B3GALT1: variants seen among roughly 807,000 people sequenced by gnomAD.
B3GALT1 encodes the protein UDP-Gal:betaGlcNAc beta 1,3-galactosyltransferase, polypeptide 1.
Under a neutral mutation model 23.2 loss-of-function variants are expected in B3GALT1, and 10 were observed. The observed-to-expected ratio is 0.43, with a 90% CI of 0.27 to 0.73. The LOEUF is 0.73. Ranked by LOEUF, B3GALT1 falls within the 30% of genes least tolerant of loss-of-function variation. The pLI is 0.21. For missense variants in B3GALT1, 299 were observed against 405.4 expected (o/e 0.74, Z 2.25); for synonymous variants, 156 against 141.5 (o/e 1.10, Z -0.73).
chr2:167,805,506 A>G (rs1688732864), intron 3 of B3GALT1, among the ~76,000 whole-genome samples: 1 of 152,134 alleles, frequency 6.6e-6, no homozygotes, highest in Admixed American at 6.5e-5. Context: ...ATTTTTGTAT[A>G]AGGTGTAAGG....
chr2:167,625,423 T>G (rs1326215985), intron 2 of B3GALT1, among the ~76,000 whole-genome samples: 6 of 151,834 alleles, frequency 4.0e-5, no homozygotes, highest in Non-Finnish European at 8.8e-5. Context: ...AAAATTTTCT[T>G]GACCAAGCAG....
At chr2:167,405,048 G>A (rs545148028) in intron 1 of B3GALT1, among the ~76,000 whole-genome samples, 46 of 152,018 alleles carry the variant, frequency 3.0e-4, no homozygotes, top group Non-Finnish European at 4.9e-4. Flanking sequence ...ATTTGTTTTC[G>A]CTTCTCAGAC....
At chr2:167,320,247 T>G (rs1696789157) in intron 1 of B3GALT1, among the ~76,000 whole-genome samples, 1 of 151,152 alleles carries the variant, frequency 6.6e-6, no homozygotes, top group Admixed American at 6.6e-5. Flanking sequence ...TAGAATGCAG[T>G]GACATGATCT....
intron 2 of B3GALT1, among the ~76,000 whole-genome samples, chr2:167,575,329 T>C (rs1399192092): frequency 1.3e-5 from 2 of 151,806 alleles, no homozygotes; most frequent in East Asian, 1.9e-4. Context: ...CCTGGTGATA[T>C]CAGCCCATGA....
chr2:167,407,373 C>T (rs563236760), intron 1 of B3GALT1, among the ~76,000 whole-genome samples: 2 of 151,142 alleles, frequency 1.3e-5, no homozygotes, highest in African/African-American at 4.9e-5. Context: ...GCAATAAATG[C>T]CTATATCAAA....
intron 2 of B3GALT1, among the ~76,000 whole-genome samples, chr2:167,592,324 C>T (rs1456314218): frequency 1.3e-5 from 2 of 152,108 alleles, no homozygotes; most frequent in African/African-American, 2.4e-5. Flanking sequence ...CCTTGCTGCC[C>T]CTAATCTAAG....
At chr2:167,380,826 T>G (rs1697838206) in intron 1 of B3GALT1, among the ~76,000 whole-genome samples, 1 of 152,112 alleles carries the variant, frequency 6.6e-6, no homozygotes, top group Non-Finnish European at 1.5e-5. Flanking sequence ...CTTTACTCAC[T>G]TTTATTTTAC....
intron 1 of B3GALT1, among the ~76,000 whole-genome samples, chr2:167,469,434 AT>A (rs1699393786): frequency 2.6e-5 from 4 of 152,196 alleles, no homozygotes; most frequent in African/African-American, 9.6e-5. Context: ...GAAAAACAAA[AT>A]TTGGACTATG....
intron 3 of B3GALT1, among the ~76,000 whole-genome samples, chr2:167,678,015 C>T (rs750998772): frequency 1.8e-4 from 28 of 152,186 alleles, no homozygotes; most frequent in Non-Finnish European, 3.5e-4. Flanking sequence ...CCTCCCCCAA[C>T]ACGTGCGGAT....
chr2:167,627,142 A>G (rs1236375606), intron 2 of B3GALT1, among the ~76,000 whole-genome samples: 3 of 151,600 alleles, frequency 2.0e-5, no homozygotes, highest in Non-Finnish European at 3.0e-5. Flanking sequence ...ATTCAAGTTT[A>G]TCTAATCTAT....
At chr2:167,351,955 A>ATTTTTT (rs71031283) in intron 1 of B3GALT1, among the ~76,000 whole-genome samples, 1 of 134,306 alleles carries the variant, frequency 7.4e-6, no homozygotes, top group African/African-American at 3.2e-5. Flanking sequence ...GCTGTTTTTG[A>ATTTTTT]TTTTTTTTTT....
intron 3 of B3GALT1, among the ~76,000 whole-genome samples, chr2:167,683,015 G>A (rs1459618811): frequency 1.3e-5 from 2 of 152,162 alleles, no homozygotes; most frequent in Non-Finnish European, 2.9e-5. Flanking sequence ...ACCCTTAGAG[G>A]AGGAAATTCT....
intron 2 of B3GALT1, among the ~76,000 whole-genome samples, chr2:167,503,369 C>A (rs887803602): frequency 4.6e-5 from 7 of 152,186 alleles, no homozygotes; most frequent in African/African-American, 1.7e-4. Context: ...CTTCACCTGA[C>A]CAACAGCCAG....
rs139106218 is a variant in B3GALT1, at chr2:167,309,117, G to C, written c.-511+15783G>C. On this transcript the variant is annotated intron_variant, in intron 1 of 4. Transcript: ENST00000392690. ...TATTAATGTTTTATGTCAAGAAATT[G>C]ACTTGTCATAGCTCATAATTGAAGG... 3.0e-3 allele frequency among the ~76,000 whole-genome samples: 449 copies of C among 152,090 alleles called. 4 individuals carry two copies. Among genetic ancestry groups the C allele is most frequent in the African/African-American group, 0.01 (427 of 41,526 alleles).
At position 167,716,075 on chromosome 2, in the gene B3GALT1, C is replaced by T. The variant is rs891090334; in HGVS notation, c.-352+69109C>T. ...CGCCGGGCTCCTCCATAGCGCCAAGCTGCTCTGGCGGTCACCGCAGTTAAC... is the reference window on the plus strand; with the variant it reads ...CGCCGGGCTCCTCCATAGCGCCAAGTTGCTCTGGCGGTCACCGCAGTTAAC... On this transcript the variant is annotated intron_variant, in intron 3 of 4. Transcript: ENST00000392690. The T allele has an allele frequency of 3.4e-5, 54 of 1,566,328 alleles. No individual in the cohort carries two copies. The Admixed American group carries it at 9.2e-4, about 27-fold the overall frequency.
intron 3 of B3GALT1, among the ~76,000 whole-genome samples, chr2:167,691,335 A>G (rs1686707241): frequency 6.6e-6 from 1 of 152,138 alleles, no homozygotes; most frequent in South Asian, 2.1e-4. Flanking sequence ...TTCTAATCAC[A>G]AATAAACATC....
At chr2:167,413,259 C>T (rs1301478297) in intron 1 of B3GALT1, among the ~76,000 whole-genome samples, 1 of 151,856 alleles carries the variant, frequency 6.6e-6, no homozygotes, top group African/African-American at 2.4e-5. Flanking sequence ...TGTACTGAGG[C>T]TATTTAATTG....
intron 4 of B3GALT1, among the ~76,000 whole-genome samples, chr2:167,821,340 A>G (rs1268841284): frequency 1.3e-5 from 2 of 151,694 alleles, no homozygotes; most frequent in African/African-American, 4.8e-5. Flanking sequence ...AAAACCCCCA[A>G]GCAGAAAGCA....
chr2:167,402,407 A>G (rs997416735), intron 1 of B3GALT1, among the ~76,000 whole-genome samples: 10 of 152,258 alleles, frequency 6.6e-5, no homozygotes, highest in Admixed American at 2.0e-4. Flanking sequence ...TTTAAGCAAG[A>G]TGATTTGTAA....
Sources: gnomAD v4.1 joint callset for allele counts (sites outside exome capture counted in the v4.1 genomes callset) on GRCh38, gnomAD v4.1.1 for gene constraint, MANE v1.5 for transcripts, NCBI Gene and HGNC (gene_info 2026-07-23, HGNC 2026-07-21) for gene names.